The following GPR139 variants were observed in gnomAD, a reference collection of about 807,000 sequenced individuals.
GPR139 encodes probable G protein-coupled receptor 139.
Under a neutral mutation model 25.8 loss-of-function variants are expected in GPR139, and 12 were observed. The ratio of observed to expected loss-of-function variants is 0.47; its 90% CI spans 0.30 to 0.75. The LOEUF (loss-of-function observed/expected upper bound fraction) is 0.75, where lower values mean the gene tolerates loss of function less well. Ranked by LOEUF, GPR139 falls within the 30% of genes least tolerant of loss-of-function variation. GPR139 has a pLI of 0.07. For missense variants in GPR139, 380 were observed against 450.2 expected, an observed-to-expected ratio of 0.84 and a Z score of 1.41; for synonymous variants, 184 against 179.9, an observed-to-expected ratio of 1.02 and a Z score of -0.18.
At position 20,029,148 on chromosome 16, in the gene GPR139, T is replaced by C. The variant is rs1373955254; in HGVS notation, c.*2587A>G. Among the ~76,000 whole-genome samples the C allele has an allele frequency of 2.0e-5, 3 of 152,174 alleles. No individual in the cohort carries two copies. Among genetic ancestry groups the C allele is most frequent in the African/African-American group, 7.2e-5 (3 of 41,440 alleles). The stretch of plus-strand genomic sequence containing the variant: ...CTACAGTGCCTTCAAGAATTGGACC[T>C]CTTTTAAATATCATGTAGCAAAATA... On this transcript the variant is annotated 3_prime_UTR_variant, in exon 2 of 2. Transcript: ENST00000570682.
chr16:20,032,488 G>A lies in GPR139; in HGVS notation c.309C>T (p.Ile103=), dbSNP rs1181418161. 1 of 1,614,176 alleles carries A rather than the reference G, an allele frequency of 6.2e-7. No homozygotes were observed. The highest frequency in any genetic ancestry group is 1.7e-5 in the Admixed American group (1 of 60,030). The change falls in exon 2 of 2, where the codon ATC becomes ATT. Residue 103 remains isoleucine, a synonymous_variant. Coordinates refer to ENST00000570682, the MANE Select transcript of GPR139 (RefSeq NM_001002911.4). ...TGGATGAGAATTCCAGCACTTCTAT[G>A]ATCTTGTCGGGGACCTGAGGCATCT... ...NMQMPQVPDK[I]IEVLEFSSIH...
intron 1 of GPR139, among the ~76,000 whole-genome samples, chr16:20,054,889 G>A (rs1408335030): frequency 6.6e-6 from 1 of 152,022 alleles, no homozygotes; most frequent in Non-Finnish European, 1.5e-5. Context: ...CATCATGCCA[G>A]GCTAATTTTT....
In GPR139 at chr16:20,051,402, C is replaced by G. The variant is rs1051233972; in HGVS notation, c.128-18733G>C. ...GCAAATGGCCCAGCTGCCCGCTCCC[C>G]AAGGCTACCTCCCTAATGGACATTC... is the stretch of plus-strand genomic sequence containing the variant. On this transcript the variant is annotated intron_variant, in intron 1 of 1. Coordinates refer to ENST00000570682, the MANE Select transcript of GPR139 (RefSeq NM_001002911.4). Among the ~76,000 whole-genome samples, 6 of 152,178 alleles carry G rather than the reference C, an allele frequency of 3.9e-5. No individual in the cohort carries two copies. In the South Asian group the frequency reaches 1.2e-3, roughly 31 times the overall value.
chr16:20,062,334 G>A (rs971685043), intron 1 of GPR139, among the ~76,000 whole-genome samples: 4 of 152,188 alleles, frequency 2.6e-5, no homozygotes, highest in African/African-American at 7.2e-5. Context: ...CCAGAGGGCT[G>A]TCTTCCTCTC....
At chr16:20,062,253 G>GTT (rs1370995024) in intron 1 of GPR139, among the ~76,000 whole-genome samples, 3 of 152,140 alleles carry the variant, frequency 2.0e-5, no homozygotes, top group Non-Finnish European at 2.9e-5. Flanking sequence ...AGGAAATGGG[G>GTT]TTTTTGGGAA....
At chr16:20,047,656 A>G (rs2141207256) in intron 1 of GPR139, among the ~76,000 whole-genome samples, 1 of 152,362 alleles carries the variant, frequency 6.6e-6, no homozygotes, top group South Asian at 2.1e-4. Context: ...CCATGGCAGC[A>G]GGTGTCATGA....
chr16:20,043,492 A>C (rs2764768), intron 1 of GPR139, among the ~76,000 whole-genome samples: 79 of 152,310 alleles, frequency 5.2e-4, no homozygotes, highest in African/African-American at 1.8e-3. Flanking sequence ...ATTTAGTTTT[A>C]ATGGTATTAG....
intron 1 of GPR139, among the ~76,000 whole-genome samples, chr16:20,037,618 A>G (rs2057314697): frequency 6.6e-6 from 1 of 152,180 alleles, no homozygotes; most frequent in Non-Finnish European, 1.5e-5. Context: ...ACGATTTCCC[A>G]TTTTACACAT....
chr16:20,071,138 G>T, intron 1 of GPR139: 1 of 245,728 alleles, frequency 4.1e-6, no homozygotes, highest in Non-Finnish European at 6.5e-6. Context: ...CCAGGGGATA[G>T]CTACCCTCAT....
At chr16:20,032,713 A>G in intron 1 of GPR139, 44 bp from the exon 2 acceptor site, 1 of 1,490,328 alleles carries the variant, frequency 6.7e-7, no homozygotes, top group Non-Finnish European at 9.2e-7. Context: ...AGCAAAGATG[A>G]CTTCGTTGGC....
rs2057472151 is a variant in GPR139 at position 20,073,826 on chromosome 16, C to T, written c.-210G>A. The T allele has an allele frequency of 1.7e-6, 1 of 596,668 alleles. No homozygotes were observed. Among genetic ancestry groups the T allele is most frequent in the East Asian group, 3.6e-5 (1 of 27,806 alleles). 37.0% of individuals were successfully genotyped at this position (596,668 alleles called of 1,614,324 possible). On this transcript the variant is annotated 5_prime_UTR_variant, in exon 1 of 2. Coordinates refer to ENST00000570682, the MANE Select transcript of GPR139 (RefSeq NM_001002911.4). This position sits in a 1 kb window ranked among gnomAD's most constrained non-coding sequence, Gnocchi z 4.7. ...GTCTTGGCTCAGCCCTCCCGCAGGG[C>T]GCGGGGCGCAGGGTGCGGGGCGCGC...
At chr16:20,060,130 G>T (rs1035271493) in intron 1 of GPR139, among the ~76,000 whole-genome samples, 6 of 152,142 alleles carry the variant, frequency 3.9e-5, no homozygotes, top group African/African-American at 1.4e-4. Flanking sequence ...GGCAGATGAT[G>T]GTTCTTGTCA....
At chr16:20,039,915 G>C (rs1455125015) in intron 1 of GPR139, among the ~76,000 whole-genome samples, 1 of 152,048 alleles carries the variant, frequency 6.6e-6, no homozygotes, top group Non-Finnish European at 1.5e-5. Flanking sequence ...ATTTACTTTT[G>C]ACCAATACAT....
At chr16:20,045,403 G>T (rs1472751593) in intron 1 of GPR139, among the ~76,000 whole-genome samples, 1 of 152,092 alleles carries the variant, frequency 6.6e-6, no homozygotes, top group Admixed American at 6.5e-5. Flanking sequence ...TAAGGAATTT[G>T]CCCAGATCAG....
At chr16:20,051,692 C>G (rs1187473150) in intron 1 of GPR139, among the ~76,000 whole-genome samples, 1 of 152,176 alleles carries the variant, frequency 6.6e-6, no homozygotes, top group East Asian at 1.9e-4. Context: ...CTTCTAAAAA[C>G]CCACCTCTGC....
At chr16:20,072,627 C>T (rs1190513519) in intron 1 of GPR139, among the ~76,000 whole-genome samples, 1 of 152,178 alleles carries the variant, frequency 6.6e-6, no homozygotes, top group Non-Finnish European at 1.5e-5. Flanking sequence ...CTCTCGCACA[C>T]GGCCCAGGCA....
intron 1 of GPR139, among the ~76,000 whole-genome samples, chr16:20,058,341 G>A (rs947363212): frequency 6.6e-6 from 1 of 151,142 alleles, no homozygotes; most frequent in Non-Finnish European, 1.5e-5. Flanking sequence ...TGGAGTGTGT[G>A]TGTGTGTGTG....
In GPR139 at chr16:20,061,972, T is replaced by C. The variant is rs2057415875; in HGVS notation, c.127+11518A>G. 2.6e-5 allele frequency among the ~76,000 whole-genome samples: 4 copies of C among 152,208 alleles called. No homozygotes were observed. The South Asian group carries it at 8.3e-4, about 32-fold the overall frequency. ...TTCCCTCTAAGCCTCAGTTTTTCCATCAAGGGCATTGTAGGCCAGGTGCAG... is the reference window on the plus strand; with the variant it reads ...TTCCCTCTAAGCCTCAGTTTTTCCACCAAGGGCATTGTAGGCCAGGTGCAG... On this transcript the variant is annotated intron_variant, in intron 1 of 1. Coordinates refer to ENST00000570682, the MANE Select transcript of GPR139 (RefSeq NM_001002911.4).
chr16:20,068,695 T>C (rs971422398), intron 1 of GPR139, among the ~76,000 whole-genome samples: 1 of 152,204 alleles, frequency 6.6e-6, no homozygotes. Context: ...TTCTAGATCT[T>C]AGGGAAAAAG....
Sources: gnomAD v4.1 joint callset for allele counts (sites outside exome capture counted in the v4.1 genomes callset) on GRCh38, gnomAD v4.1.1 for gene constraint, Gnocchi (gnomAD v3.1) non-coding constraint, MANE v1.5 for transcripts, NCBI Gene and HGNC (gene_info 2026-07-23, HGNC 2026-07-21) for gene names.